The following SGCZ variants were observed in gnomAD, a reference collection of about 807,000 sequenced individuals.
SGCZ encodes the protein sarcoglycan zeta, also known as zeta-sarcoglycan.
A neutral mutation model predicts 41.3 loss-of-function variants in SGCZ; 40 were observed. The ratio of observed to expected loss-of-function variants is 0.97; its 90% CI spans 0.75 to 1.26. The LOEUF is 1.26. Among genes scored for constraint, SGCZ ranks in the 50% most tolerant of loss-of-function variants. The pLI is 0.00. For missense variants in SGCZ, 552 were observed against 369.8 expected, an observed-to-expected ratio of 1.49 and a Z score of -4.04; for synonymous variants, 206 against 137.5, an observed-to-expected ratio of 1.50 and a Z score of -3.49.
chr8:14,775,460 A>T (rs866812953), intron 1 of SGCZ, among the ~76,000 whole-genome samples: 1 of 149,210 alleles, frequency 6.7e-6, no homozygotes, highest in African/African-American at 2.5e-5. Flanking sequence ...AGAATATTTG[A>T]GTGTGTGTGT....
At chr8:14,903,667 C>G (rs146191355) in intron 1 of SGCZ, among the ~76,000 whole-genome samples, 16 of 151,988 alleles carry the variant, frequency 1.1e-4, no homozygotes, top group African/African-American at 3.6e-4. Context: ...TTTGAAAGAA[C>G]GTCTTATGTA....
rs576957602 is a variant in SGCZ at position 15,024,583 on chromosome 8, A to T, written c.39+213002T>A. Among the ~76,000 whole-genome samples, 4 of 152,320 alleles carry T rather than the reference A, an allele frequency of 2.6e-5. No individual in the cohort carries two copies. In the East Asian group the frequency reaches 5.8e-4, roughly 22 times the overall value. ...GGTGATCAATGCTGCAGATAAAAGA[A>T]AAAGTAGAGCAGTGTAACCAGGCCC... On this transcript the variant is annotated intron_variant, in intron 1 of 7. Transcript: ENST00000382080.
At chr8:15,067,617 G>A (rs1049771968) in intron 1 of SGCZ, among the ~76,000 whole-genome samples, 8 of 152,030 alleles carry the variant, frequency 5.3e-5, no homozygotes, top group Non-Finnish European at 8.8e-5. Context: ...TTTTATATTT[G>A]TACCACTTCT....
At chr8:15,232,430 G>A (rs1801973040) in intron 1 of SGCZ, among the ~76,000 whole-genome samples, 1 of 152,056 alleles carries the variant, frequency 6.6e-6, no homozygotes, top group Non-Finnish European at 1.5e-5. Context: ...AGTAATGACA[G>A]TAGACCACTG....
At chr8:14,771,585 T>C (rs888712375) in intron 1 of SGCZ, among the ~76,000 whole-genome samples, 2 of 152,136 alleles carry the variant, frequency 1.3e-5, no homozygotes, top group Non-Finnish European at 2.9e-5. Flanking sequence ...GCTATTGGTA[T>C]ATATATTTAA....
chr8:14,252,095 C>A (rs1799308734), intron 3 of SGCZ, among the ~76,000 whole-genome samples: 1 of 152,086 alleles, frequency 6.6e-6, no homozygotes, highest in African/African-American at 2.4e-5. Flanking sequence ...ACAGTCTCCC[C>A]ATATGGAATT....
chr8:14,246,411 A>G (rs1308711100), intron 3 of SGCZ, among the ~76,000 whole-genome samples: 1 of 151,544 alleles, frequency 6.6e-6, no homozygotes, highest in Non-Finnish European at 1.5e-5. Context: ...ACACATGGAC[A>G]CAGGAAAGGG....
chr8:14,516,343 C>A (rs1349270864), intron 2 of SGCZ, among the ~76,000 whole-genome samples: 2 of 151,918 alleles, frequency 1.3e-5, no homozygotes, highest in South Asian at 2.1e-4. Context: ...GTTCCTTCTT[C>A]GTGTTAATAA....
intron 2 of SGCZ, among the ~76,000 whole-genome samples, chr8:14,420,608 T>C (rs1216235165): frequency 2.0e-5 from 3 of 152,078 alleles, no homozygotes; most frequent in Non-Finnish European, 4.4e-5. Flanking sequence ...TCTGAAGTTC[T>C]GAGCTCAGAA....
intron 2 of SGCZ, among the ~76,000 whole-genome samples, chr8:14,425,108 C>A (rs1431088226): frequency 6.6e-6 from 1 of 151,946 alleles, no homozygotes; most frequent in African/African-American, 2.4e-5. Context: ...TTTGTAAACA[C>A]TCTTTGTCCA....
intron 1 of SGCZ, among the ~76,000 whole-genome samples, chr8:14,756,585 A>G (rs1799675846): frequency 6.6e-6 from 1 of 152,174 alleles, no homozygotes; most frequent in African/African-American, 2.4e-5. Context: ...TTGCATTTCT[A>G]TCTCCTGCAA....
intron 1 of SGCZ, among the ~76,000 whole-genome samples, chr8:14,948,618 T>C (rs144304200): frequency 4.8e-4 from 73 of 152,248 alleles, no homozygotes; most frequent in African/African-American, 1.7e-3. Context: ...GTTTCCACTG[T>C]TCCTTTTTAA....
intron 2 of SGCZ, among the ~76,000 whole-genome samples, chr8:14,460,385 G>T (rs1800867783): frequency 6.6e-6 from 1 of 152,060 alleles, no homozygotes; most frequent in Non-Finnish European, 1.5e-5. Context: ...GATAATGAAG[G>T]CATTTATCAA....
intron 1 of SGCZ, among the ~76,000 whole-genome samples, chr8:14,563,108 G>T (rs1467618406): frequency 2.6e-5 from 4 of 152,182 alleles, no homozygotes; most frequent in African/African-American, 9.7e-5. Flanking sequence ...GCAGGAGTCT[G>T]GCTCCGGGAC....
chr8:14,595,923 T>C (rs923748170), intron 1 of SGCZ, among the ~76,000 whole-genome samples: 11 of 152,146 alleles, frequency 7.2e-5, no homozygotes, highest in African/African-American at 2.2e-4. Flanking sequence ...GGTTGTCCAA[T>C]GTGTTGGAAA....
At chr8:15,031,296 G>C (rs1452588894) in intron 1 of SGCZ, among the ~76,000 whole-genome samples, 1 of 152,140 alleles carries the variant, frequency 6.6e-6, no homozygotes, top group African/African-American at 2.4e-5. Flanking sequence ...TTGGAGGTAA[G>C]GATCCTCATG....
intron 3 of SGCZ, among the ~76,000 whole-genome samples, chr8:14,290,736 GAATGTA>G (rs144597990): frequency 0.75 from 113,976 of 151,552 alleles, 43,311 homozygotes; most frequent in Non-Finnish European, 0.8. Flanking sequence ...CTGCTGGTGG[GAATGTA>G]AATGTAAATT....
intron 4 of SGCZ, among the ~76,000 whole-genome samples, chr8:14,173,114 C>T (rs541885063): frequency 6.6e-6 from 1 of 151,996 alleles, no homozygotes; most frequent in Non-Finnish European, 1.5e-5. Flanking sequence ...AGTCTAAAAT[C>T]ATACTTGAAC....
intron 5 of SGCZ, among the ~76,000 whole-genome samples, chr8:14,145,214 C>T (rs902971544): frequency 6.6e-6 from 1 of 152,172 alleles, no homozygotes; most frequent in Non-Finnish European, 1.5e-5. Flanking sequence ...ACTCTACCCC[C>T]AGCTTCAGGA....
Sources: allele counts gnomAD v4.1 joint callset (sites outside exome capture counted in the v4.1 genomes callset), GRCh38; gene constraint gnomAD v4.1.1; transcripts MANE v1.5; gene names NCBI Gene and HGNC (gene_info 2026-07-23, HGNC 2026-07-21).